SCOC: variants seen among roughly 807,000 people sequenced by gnomAD.
SCOC encodes the protein short coiled coil protein.
In SCOC, 7 loss-of-function variants were observed where a neutral mutation model predicts 9.9. The ratio of observed to expected loss-of-function variants is 0.71; its 90% CI spans 0.40 to 1.33. The LOEUF is 1.33. Among genes scored for constraint, SCOC ranks in the 40% most tolerant of loss-of-function variants. The probability of loss-of-function intolerance (pLI) is 0.01; values close to 1 mark genes in which losing one functional copy is unlikely to be tolerated. For synonymous variants in SCOC, 19 were observed against 28.2 expected, an observed-to-expected ratio of 0.67 and a Z score of 1.03; for missense variants, 66 against 89.7, an observed-to-expected ratio of 0.74 and a Z score of 1.07.
intron 2 of SCOC, chr4:140,366,240 T>G (rs1727790769): frequency 8.7e-7 from 1 of 1,151,316 alleles, no homozygotes; most frequent in African/African-American, 1.6e-5. Context: ...CACCTCTTTC[T>G]TGCCAAACGC....
chr4:140,319,649 G>C (rs1242735602), intron 1 of SCOC, among the ~76,000 whole-genome samples: 1 of 151,922 alleles, frequency 6.6e-6, no homozygotes, highest in Non-Finnish European at 1.5e-5. Context: ...AAACTTTCAA[G>C]ATCAAGTTAA....
intron 1 of SCOC, among the ~76,000 whole-genome samples, chr4:140,305,033 A>G (rs1379619306): frequency 6.6e-6 from 1 of 152,226 alleles, no homozygotes; most frequent in Non-Finnish European, 1.5e-5. Context: ...CTCTTCAGGC[A>G]TGAGCTCGTC....
chr4:140,299,261 G>A (rs937903839), intron 1 of SCOC, among the ~76,000 whole-genome samples: 3 of 152,192 alleles, frequency 2.0e-5, no homozygotes, highest in Non-Finnish European at 2.9e-5. Flanking sequence ...GAAGAACACT[G>A]TGCTAGCCAT....
At chr4:140,316,675 A>AC (rs1353484255) in intron 1 of SCOC, among the ~76,000 whole-genome samples, 9 of 151,904 alleles carry the variant, frequency 5.9e-5, no homozygotes, top group Non-Finnish European at 8.8e-5. Context: ...TGCCCTGACC[A>AC]CCCCACTGCA....
At chr4:140,288,738 TAC>T (rs929225406) in intron 1 of SCOC, among the ~76,000 whole-genome samples, 2 of 151,692 alleles carry the variant, frequency 1.3e-5, no homozygotes, top group Non-Finnish European at 2.9e-5. Context: ...TACAGACATG[TAC>T]ACACACCACA....
intron 1 of SCOC, among the ~76,000 whole-genome samples, chr4:140,313,159 G>A (rs1416975111): frequency 1.2e-4 from 18 of 152,156 alleles, no homozygotes. Flanking sequence ...CAATGCATTT[G>A]CCATACATTG....
At chr4:140,291,640 C>G (rs529433377) in intron 1 of SCOC, 1 of 395,396 alleles carries the variant, frequency 2.5e-6, no homozygotes, top group African/African-American at 2.1e-5. Flanking sequence ...ATGTACCTGA[C>G]GCTTATTAAT....
intron 1 of SCOC, among the ~76,000 whole-genome samples, chr4:140,285,633 C>A (rs1282356091): frequency 6.6e-6 from 1 of 152,206 alleles, no homozygotes; most frequent in African/African-American, 2.4e-5. Context: ...GGGCTTTTCA[C>A]AATTTCAGGA....
chr4:140,265,845 A>G (rs999628133), intron 1 of SCOC, among the ~76,000 whole-genome samples: 3 of 152,236 alleles, frequency 2.0e-5, no homozygotes, highest in Non-Finnish European at 4.4e-5. Context: ...CTTCAAGAGG[A>G]GACCATCTTT....
At chr4:140,310,359 A>C (rs949783811) in intron 1 of SCOC, among the ~76,000 whole-genome samples, 1 of 151,918 alleles carries the variant, frequency 6.6e-6, no homozygotes, top group Non-Finnish European at 1.5e-5. Context: ...CCTGGATAGC[A>C]CTCTTCTTAG....
At chr4:140,356,942 C>G (rs1017220169) in intron 2 of SCOC, among the ~76,000 whole-genome samples, 11 of 152,040 alleles carry the variant, frequency 7.2e-5, no homozygotes, top group African/African-American at 2.7e-4. Context: ...GGAAGAGATA[C>G]ATAGTACCTT....
At chr4:140,367,223 T>TGGTGTGGTG (rs1727842236) in intron 2 of SCOC, among the ~76,000 whole-genome samples, 1 of 151,748 alleles carries the variant, frequency 6.6e-6, no homozygotes, top group Non-Finnish European at 1.5e-5. Flanking sequence ...GGTGACAGAG[T>TGGTGTGGTG]AAGACCATTT....
intron 1 of SCOC, among the ~76,000 whole-genome samples, chr4:140,314,860 C>A (rs942293130): frequency 6.6e-6 from 1 of 150,874 alleles, no homozygotes. Flanking sequence ...GTGAACTCCA[C>A]CCCCCCACCA....
At chr4:140,347,656 G>A (rs147778537) in intron 2 of SCOC, among the ~76,000 whole-genome samples, 6 of 152,192 alleles carry the variant, frequency 3.9e-5, no homozygotes, top group Admixed American at 2.6e-4. Context: ...ATATCCCAGC[G>A]ACTCTAAAAC....
chr4:140,347,786 GT>G (rs1369267359), intron 2 of SCOC, among the ~76,000 whole-genome samples: 1 of 152,062 alleles, frequency 6.6e-6, no homozygotes, highest in Non-Finnish European at 1.5e-5. Context: ...TTTCAATTCT[GT>G]TTTTAGTTTA....
chr4:140,373,892 G>A (rs1260812582), intron 1 of SCOC, 175 bp downstream of exon 1: 2 of 747,676 alleles, frequency 2.7e-6, no homozygotes, highest in Admixed American at 4.0e-5. Flanking sequence ...CTGGCTCCCG[G>A]CAGAACCCTT....
intron 2 of SCOC, among the ~76,000 whole-genome samples, chr4:140,354,464 C>T (rs1727119032): frequency 6.7e-6 from 1 of 148,234 alleles, no homozygotes; most frequent in South Asian, 2.2e-4. Context: ...CGTCCACATA[C>T]AATTGCCCTG....
In SCOC at chr4:140,302,361, T is replaced by C. The variant is rs536010771; in HGVS notation, c.-18-41260T>C. On this transcript the variant is annotated intron_variant, in intron 1 of 4. Coordinates refer to the SCOC transcript ENST00000394205. ...GACCTACTACAGACCCAGGGATAAA[T>C]TATACAGAGAAGGAGAACCTTGTTG... Among the ~76,000 whole-genome samples the C allele has an allele frequency of 3.3e-5, 5 of 152,238 alleles. No homozygotes were observed. The South Asian group carries it at 6.2e-4, about 19-fold the overall frequency.
At chr4:140,271,675 A>T (rs1311252560) in intron 1 of SCOC, among the ~76,000 whole-genome samples, 1 of 152,198 alleles carries the variant, frequency 6.6e-6, no homozygotes, top group African/African-American at 2.4e-5. Flanking sequence ...AGATGTTTCC[A>T]TGTGGACTAA....
Sources: gnomAD v4.1 joint callset for allele counts (sites outside exome capture counted in the v4.1 genomes callset) on GRCh38, gnomAD v4.1.1 for gene constraint, MANE v1.5 for transcripts, NCBI Gene and HGNC (gene_info 2026-07-23, HGNC 2026-07-21) for gene names.